Variants in CDK14 observed in about 807,000 individuals in gnomAD.
CDK14 encodes the protein cyclin-dependent kinase 14.
In CDK14, 34 loss-of-function variants were observed where a neutral mutation model predicts 60.7. The ratio of observed to expected loss-of-function variants is 0.56; its 90% CI spans 0.43 to 0.75. The LOEUF (loss-of-function observed/expected upper bound fraction) is 0.75. Among genes scored for constraint, CDK14 ranks in the 30% least tolerant of loss-of-function variants. CDK14 has a pLI of 0.00. For missense variants in CDK14, 482 were observed against 564.1 expected, an observed-to-expected ratio of 0.85 and a Z score of 1.47; for synonymous variants, 197 against 203.7, an observed-to-expected ratio of 0.97 and a Z score of 0.28.
At chr7:90,842,307 G>C (rs1240003611) in intron 5 of CDK14, among the ~76,000 whole-genome samples, 1 of 152,100 alleles carries the variant, frequency 6.6e-6, no homozygotes, top group Non-Finnish European at 1.5e-5. Flanking sequence ...ATCCCCACAA[G>C]TACAAAGTGC....
At chr7:90,910,973 CCT>C (rs1792878119) in intron 7 of CDK14, among the ~76,000 whole-genome samples, 1 of 152,120 alleles carries the variant, frequency 6.6e-6, no homozygotes, top group Non-Finnish European at 1.5e-5. Context: ...GTGTTTTTCC[CCT>C]CTCTGTGCCC....
intron 8 of CDK14, among the ~76,000 whole-genome samples, chr7:90,947,678 C>A (rs1361595770): frequency 6.6e-6 from 1 of 151,894 alleles, no homozygotes; most frequent in Admixed American, 6.6e-5. Flanking sequence ...ATTGCCTCCT[C>A]CTACTACTTA....
At chr7:90,656,166 C>T (rs371306836) in intron 2 of CDK14, among the ~76,000 whole-genome samples, 1 of 152,166 alleles carries the variant, frequency 6.6e-6, no homozygotes, top group South Asian at 2.1e-4. Context: ...CTTTTAGGGA[C>T]TCCATTTGGC....
chr7:90,833,536 C>T (rs1789985507), intron 5 of CDK14, among the ~76,000 whole-genome samples: 1 of 152,128 alleles, frequency 6.6e-6, no homozygotes, highest in African/African-American at 2.4e-5. Context: ...AAAATGAGAA[C>T]AAATGGCCCA....
chr7:90,640,462 G>T (rs763306968), intron 2 of CDK14, among the ~76,000 whole-genome samples: 25 of 151,980 alleles, frequency 1.6e-4, no homozygotes, highest in Non-Finnish European at 1.5e-5. Context: ...TTTGTAAGTC[G>T]GTAAAAGACT....
rs1563030128 is a variant in CDK14 at position 90,649,394 on chromosome 7, C to CTTCCTTCT, written c.123+45148_123+45149insCTTCTTTC. On this transcript the variant is annotated intron_variant, in intron 2 of 14. Transcript: ENST00000380050. The stretch of plus-strand genomic sequence containing the variant: ...CCTTCCTTCCTTCCTTCCTTCCTTC[C>CTTCCTTCT]TTCTTTCTTTCTTTCTTTCTTTCTT... Among the ~76,000 whole-genome samples the CTTCCTTCT allele has an allele frequency of 7.0e-4, 21 of 29,792 alleles. 1 individual carries two copies. Among genetic ancestry groups the CTTCCTTCT allele is most frequent in the Non-Finnish European group, 9.2e-4 (13 of 14,188 alleles). The allele number at this position is 29,792 out of a possible 152,430, so 19.5% of individuals were successfully genotyped here.
At chr7:90,876,327 C>G (rs573204048) in intron 6 of CDK14, among the ~76,000 whole-genome samples, 1 of 152,154 alleles carries the variant, frequency 6.6e-6, no homozygotes, top group African/African-American at 2.4e-5. Context: ...AGGATGGTGT[C>G]GCTGTCCCTA....
At chr7:91,150,876 G>C (rs1397403) in intron 14 of CDK14, among the ~76,000 whole-genome samples, 6,245 of 151,978 alleles carry the variant, frequency 0.041, 204 homozygotes, top group Admixed American at 0.088. Flanking sequence ...GATCTGTCAG[G>C]CCTTTTAGCC....
intron 5 of CDK14, among the ~76,000 whole-genome samples, chr7:90,823,212 A>G (rs2117083957): frequency 6.6e-6 from 1 of 152,324 alleles, no homozygotes; most frequent in Admixed American, 6.5e-5. Flanking sequence ...TCAAAGTCTT[A>G]AATTTTTCTT....
intron 10 of CDK14, among the ~76,000 whole-genome samples, chr7:91,025,571 A>G (rs1000217415): frequency 3.3e-5 from 5 of 152,214 alleles, no homozygotes; most frequent in African/African-American, 1.2e-4. Flanking sequence ...ACTTTAATGT[A>G]TTATAGGTGG....
At chr7:90,826,974 T>C (rs1023253477) in intron 5 of CDK14, among the ~76,000 whole-genome samples, 1 of 135,558 alleles carries the variant, frequency 7.4e-6, no homozygotes, top group Non-Finnish European at 1.6e-5. Flanking sequence ...TATTTACATA[T>C]CTACATGTAG....
At chr7:91,105,134 A>G (rs1210030957) in intron 12 of CDK14, among the ~76,000 whole-genome samples, 18 of 152,242 alleles carry the variant, frequency 1.2e-4, no homozygotes, top group Admixed American at 6.5e-5. Flanking sequence ...AAATCTCCAG[A>G]AAGGCCAAGA....
At chr7:91,022,429 A>G (rs1336557674) in intron 10 of CDK14, among the ~76,000 whole-genome samples, 5 of 152,200 alleles carry the variant, frequency 3.3e-5, no homozygotes, top group African/African-American at 9.7e-5. Flanking sequence ...AAAAATGCCT[A>G]CAGAAATTGT....
chr7:90,984,347 T>C (rs1397891322), intron 10 of CDK14, 106 bp downstream of exon 10: 2 of 748,076 alleles, frequency 2.7e-6, no homozygotes, highest in East Asian at 5.0e-5. Context: ...CAAAATTTGT[T>C]GTCACATTTG....
At chr7:90,825,075 G>T (rs1789677003) in intron 5 of CDK14, among the ~76,000 whole-genome samples, 1 of 152,270 alleles carries the variant, frequency 6.6e-6, no homozygotes, top group South Asian at 2.1e-4. Flanking sequence ...CTTCAATTCA[G>T]GATTCATGGA....
rs1233528274 is a variant in CDK14, at chr7:90,831,821, A to G, written c.545-31354A>G. 5.9e-5 allele frequency among the ~76,000 whole-genome samples: 9 copies of G among 152,142 alleles called. No individual in the cohort carries two copies. The South Asian group carries it at 1.5e-3, about 25-fold the overall frequency. ...ACTAATAGCCAAATTCTTTACCTGTATGTTGTAGATCCTGGCTTGTCCTCA... is the reference window on the plus strand; with the variant it reads ...ACTAATAGCCAAATTCTTTACCTGTGTGTTGTAGATCCTGGCTTGTCCTCA... On this transcript the variant is annotated intron_variant, in intron 5 of 14. Transcript: ENST00000380050.
chr7:90,834,219 A>G (rs1479818402), intron 5 of CDK14, among the ~76,000 whole-genome samples: 1 of 152,230 alleles, frequency 6.6e-6, no homozygotes, highest in South Asian at 2.1e-4. Context: ...CATTTAGCAT[A>G]TGTACAATTA....
intron 2 of CDK14, among the ~76,000 whole-genome samples, chr7:90,648,357 G>A (rs1800515969): frequency 6.6e-6 from 1 of 152,140 alleles, no homozygotes; most frequent in African/African-American, 2.4e-5. Context: ...TCTAGAGTGA[G>A]TAATCCAAGC....
chr7:91,062,383 A>G (rs1230999862), intron 11 of CDK14, among the ~76,000 whole-genome samples: 1 of 151,770 alleles, frequency 6.6e-6, no homozygotes, highest in Non-Finnish European at 1.5e-5. Flanking sequence ...TTCGGCTCAC[A>G]CTCAGTGCAC....
Sources: gnomAD v4.1 joint callset for allele counts (sites outside exome capture counted in the v4.1 genomes callset) on GRCh38, gnomAD v4.1.1 for gene constraint, MANE v1.5 for transcripts, NCBI Gene and HGNC (gene_info 2026-07-23, HGNC 2026-07-21) for gene names.